Variants in MSRA observed in about 807,000 individuals in gnomAD.
MSRA encodes methionine sulfoxide reductase A.
A neutral mutation model predicts 31.3 loss-of-function variants in MSRA; 54 were observed. The ratio of observed to expected loss-of-function variants is 1.73; its 90% CI spans 1.39 to 2.17. The LOEUF (loss-of-function observed/expected upper bound fraction) is 2.17, where lower values mean the gene tolerates loss of function less well. Among genes scored for constraint, MSRA ranks in the 30% most tolerant of loss-of-function variants. The probability of loss-of-function intolerance (pLI) is 0.00; values close to 1 mark genes in which losing one functional copy is unlikely to be tolerated. For synonymous variants in MSRA, 169 were observed against 116.5 expected, an observed-to-expected ratio of 1.45 and a Z score of -2.90; for missense variants, 507 against 300.9, an observed-to-expected ratio of 1.69 and a Z score of -5.07.
At chr8:10,334,503 C>T (rs1802904613) in intron 5 of MSRA, among the ~76,000 whole-genome samples, 1 of 152,000 alleles carries the variant, frequency 6.6e-6, no homozygotes, top group African/African-American at 2.4e-5. Flanking sequence ...TTGCCGTTTC[C>T]TACAGGGGCA....
At chr8:10,229,719 T>TA (rs1393064675) in intron 2 of MSRA, among the ~76,000 whole-genome samples, 1 of 152,100 alleles carries the variant, frequency 6.6e-6, no homozygotes, top group Admixed American at 6.5e-5. Context: ...AAAAAAGGGT[T>TA]AGAGAGTACA....
intron 1 of MSRA, among the ~76,000 whole-genome samples, chr8:10,079,577 T>A (rs958500292): frequency 1.3e-5 from 2 of 152,226 alleles, no homozygotes; most frequent in African/African-American, 2.4e-5. Context: ...TAAAACTGAC[T>A]GGTCTTAAGT....
chr8:10,094,273 T>C (rs56172028), intron 1 of MSRA, among the ~76,000 whole-genome samples: 9,761 of 152,266 alleles, frequency 0.064, 1,014 homozygotes, highest in African/African-American at 0.22. Flanking sequence ...CAGATTGATA[T>C]TTATGTGATC....
chr8:10,124,116 C>G (rs13276581), intron 1 of MSRA, among the ~76,000 whole-genome samples: 14 of 151,948 alleles, frequency 9.2e-5, no homozygotes, highest in Non-Finnish European at 1.8e-4. Context: ...GTGATAAAGA[C>G]CACTGGATCA....
At chr8:10,352,264 C>T (rs1563383370) in intron 5 of MSRA, among the ~76,000 whole-genome samples, 1 of 152,180 alleles carries the variant, frequency 6.6e-6, no homozygotes, top group Non-Finnish European at 1.5e-5. Flanking sequence ...TATATAAAAA[C>T]ATATAGATAT....
At position 10,280,584 on chromosome 8, in the gene MSRA, T is replaced by C. The variant is rs375155734; in HGVS notation, c.332-20950T>C. Among the ~76,000 whole-genome samples, 21 of 152,350 alleles carry C rather than the reference T, an allele frequency of 1.4e-4. No individual in the cohort carries two copies. The South Asian group carries it at 4.3e-3, about 32-fold the overall frequency. On this transcript the variant is annotated intron_variant, in intron 3 of 5. Transcript: ENST00000317173. ...CACTGCTGGTATGAAGGGAAAATCG[T>C]GTAGTCACTTTGGAAACCAGTGTGG...
At chr8:10,308,951 A>G (rs926296018) in intron 4 of MSRA, among the ~76,000 whole-genome samples, 6 of 152,226 alleles carry the variant, frequency 3.9e-5, no homozygotes, top group African/African-American at 1.4e-4. Context: ...CTGGCCCCTA[A>G]GGGGTGCTTA....
intron 1 of MSRA, among the ~76,000 whole-genome samples, chr8:10,087,092 A>C (rs1257291031): frequency 6.6e-6 from 1 of 152,192 alleles, no homozygotes; most frequent in Non-Finnish European, 1.5e-5. Context: ...TGTCACGTGT[A>C]AAGCATGGTT....
At chr8:10,120,229 A>T (rs1801006872) in intron 1 of MSRA, among the ~76,000 whole-genome samples, 1 of 152,132 alleles carries the variant, frequency 6.6e-6, no homozygotes, top group Non-Finnish European at 1.5e-5. Context: ...CTGATTAGGC[A>T]CCGGCAAGAG....
intron 3 of MSRA, among the ~76,000 whole-genome samples, chr8:10,264,588 G>A (rs539287010): frequency 2.6e-5 from 4 of 152,260 alleles, no homozygotes; most frequent in Admixed American, 6.5e-5. Context: ...GCTGGCTGTC[G>A]GGAAGGGCTG....
At chr8:10,204,921 T>C (rs1203520616) in intron 1 of MSRA, among the ~76,000 whole-genome samples, 4 of 152,226 alleles carry the variant, frequency 2.6e-5, no homozygotes, top group Non-Finnish European at 5.9e-5. Flanking sequence ...TACTGATAGA[T>C]GCAGTCCCTG....
chr8:10,075,386 C>T lies in MSRA; in HGVS notation c.142+20728C>T, dbSNP rs973529049. On this transcript the variant is annotated intron_variant, in intron 1 of 5. Coordinates refer to ENST00000317173, the MANE Select transcript of MSRA (RefSeq NM_012331.5). ...TCAGTAAATGGAAGCTATGTTTTTACCTTCTAGCACAAACATCTTTAGAAA... is the reference window on the plus strand; with the variant it reads ...TCAGTAAATGGAAGCTATGTTTTTATCTTCTAGCACAAACATCTTTAGAAA... Among the ~76,000 whole-genome samples, 8 of 152,284 alleles carry T rather than the reference C, an allele frequency of 5.3e-5. No homozygotes were observed. In the East Asian group the frequency reaches 1.3e-3, roughly 26 times the overall value.
At chr8:10,337,420 C>T (rs1803122498) in intron 5 of MSRA, 3 of 322,034 alleles carry the variant, frequency 9.3e-6, no homozygotes, top group Non-Finnish European at 1.1e-5. Context: ...ACCTCGTGAT[C>T]CACCAGCCTC....
chr8:10,109,884 C>T (rs1585167200), intron 1 of MSRA, among the ~76,000 whole-genome samples: 1 of 152,292 alleles, frequency 6.6e-6, no homozygotes, highest in African/African-American at 2.4e-5. Context: ...TGAATATGGC[C>T]TTAGGCTCTG....
chr8:10,312,347 G>A lies in MSRA; in HGVS notation c.437-7536G>A, dbSNP rs117665560. Among the ~76,000 whole-genome samples, 713 of 152,302 alleles carry A rather than the reference G, an allele frequency of 4.7e-3. 5 individuals carry two copies. Among genetic ancestry groups the A allele is most frequent in the Non-Finnish European group, 7.6e-3 (520 of 68,022 alleles). On this transcript the variant is annotated intron_variant, in intron 4 of 5. Coordinates refer to ENST00000317173, the MANE Select transcript of MSRA (RefSeq NM_012331.5). ...GTGGGATATCACTACAGATGTGGGA[G>A]ATTTTACAGAAACCAGGAAGATATG...
intron 1 of MSRA, among the ~76,000 whole-genome samples, chr8:10,138,879 A>AGCG (rs1236217694): frequency 4.6e-5 from 7 of 151,920 alleles, no homozygotes; most frequent in African/African-American, 7.3e-5. Flanking sequence ...CAGCAGCAGC[A>AGCG]AGACTCACAG....
intron 1 of MSRA, among the ~76,000 whole-genome samples, chr8:10,067,930 C>T (rs905707722): frequency 1.7e-5 from 2 of 117,652 alleles, no homozygotes; most frequent in Non-Finnish European, 3.2e-5. Context: ...ATTGCCCAGG[C>T]TGGAGTGCAG....
intron 5 of MSRA, among the ~76,000 whole-genome samples, chr8:10,358,242 C>T (rs1804625120): frequency 6.6e-6 from 1 of 152,102 alleles, no homozygotes; most frequent in Admixed American, 6.5e-5. Context: ...TGAGCCACCA[C>T]TCCTGGCAAA....
At chr8:10,317,883 T>A (rs7822745) in intron 4 of MSRA, among the ~76,000 whole-genome samples, 26,494 of 151,950 alleles carry the variant, frequency 0.17, 2,651 homozygotes, top group African/African-American at 0.27. Flanking sequence ...CTCATGGGAG[T>A]CTGATCTTTC....
Sources: gnomAD v4.1 joint callset for allele counts (sites outside exome capture counted in the v4.1 genomes callset) on GRCh38, gnomAD v4.1.1 for gene constraint, MANE v1.5 for transcripts, NCBI Gene and HGNC (gene_info 2026-07-23, HGNC 2026-07-21) for gene names.